The following MBD3L1 variants were observed in gnomAD, a reference collection of about 807,000 sequenced individuals.
MBD3L1 encodes the protein methyl-CpG binding domain protein 3 like 1.
For synonymous variants in MBD3L1, 84 were observed against 85.1 expected (o/e 0.99, Z 0.07); for missense variants, 203 against 230.1 (o/e 0.88, Z 0.76).
chr19:8,837,665 C>G (rs1192524744), intron 1 of MBD3L1, among the ~76,000 whole-genome samples: 1 of 152,144 alleles, frequency 6.6e-6, no homozygotes, highest in East Asian at 1.9e-4. Flanking sequence ...GCCTCATGGA[C>G]AAGACAAGTT....
At chr19:8,842,308 C>T (rs747094017) in intron 2 of MBD3L1, among the ~76,000 whole-genome samples, 28 of 106,078 alleles carry the variant, frequency 2.6e-4, no homozygotes, top group East Asian at 8.2e-4. Flanking sequence ...GCCTGAGTGA[C>T]GGAGTGGGAC....
chr19:8,833,913 G>A (rs1266779567), intron 1 of MBD3L1, among the ~76,000 whole-genome samples: 2 of 152,054 alleles, frequency 1.3e-5, no homozygotes, highest in East Asian at 3.9e-4. Context: ...GCTTGAACTC[G>A]GGAGGTGGAG....
intron 1 of MBD3L1, among the ~76,000 whole-genome samples, chr19:8,840,463 C>T (rs761486248): frequency 3.3e-5 from 5 of 152,064 alleles, no homozygotes; most frequent in Non-Finnish European, 7.4e-5. Context: ...ATCATCACCC[C>T]CAGCTAACTT....
intron 1 of MBD3L1, among the ~76,000 whole-genome samples, chr19:8,839,955 G>A (rs559832042): frequency 4.6e-5 from 7 of 152,110 alleles, no homozygotes; most frequent in Non-Finnish European, 8.8e-5. Context: ...AGGTTGAGGC[G>A]GGCAGATCAT....
intron 1 of MBD3L1, among the ~76,000 whole-genome samples, chr19:8,835,670 C>T (rs2044447731): frequency 7.2e-6 from 1 of 138,644 alleles, no homozygotes; most frequent in African/African-American, 2.6e-5. Context: ...AATTTTATTT[C>T]CAGTATATGC....
intron 1 of MBD3L1, among the ~76,000 whole-genome samples, chr19:8,839,185 C>CTTTTTTTTTTT (rs57499698): frequency 4.2e-4 from 51 of 122,106 alleles, no homozygotes; most frequent in Non-Finnish European, 5.8e-4. Flanking sequence ...CTTTTCTTTT[C>CTTTTTTTTTTT]TTTTTTTTTT....
At chr19:8,839,285 C>T (rs898310694) in intron 1 of MBD3L1, among the ~76,000 whole-genome samples, 5 of 149,422 alleles carry the variant, frequency 3.3e-5, no homozygotes, top group Admixed American at 2.0e-4. Context: ...CCCAGGTTCA[C>T]GCCATTCTCC....
At chr19:8,832,668 T>C (rs2044391685) in intron 1 of MBD3L1, 146 bp downstream of exon 1, 1 of 149,226 alleles carries the variant, frequency 6.7e-6, no homozygotes, top group South Asian at 2.1e-4. Context: ...GCGAGGCTGA[T>C]TGGGCAGAGA....
chr19:8,836,791 C>T (rs546287844), intron 1 of MBD3L1, among the ~76,000 whole-genome samples: 36 of 152,326 alleles, frequency 2.4e-4, no homozygotes, highest in Non-Finnish European at 4.9e-4. Flanking sequence ...TCGTATCCAG[C>T]TTAAGTGTAT....
chr19:8,842,924 A>G lies in MBD3L1; in HGVS notation c.246A>G (p.Glu82=). 1 of 1,614,234 alleles carries G rather than the reference A, an allele frequency of 6.2e-7. No individual in the cohort carries two copies. The highest frequency in any genetic ancestry group is 1.6e-4 in the Middle Eastern group (1 of 6,062). Residue 82 remains glutamate (E), a synonymous_variant, in exon 3 of 3, where the codon GAA becomes GAG. Coordinates refer to ENST00000595891, the MANE Select transcript of MBD3L1 (RefSeq NM_001393532.1). ...QGLQAYSSAG[E]LSSTLDLANT... Reference sequence around the variant, plus strand: ...TCCAGGCTTACAGCAGTGCAGGAGAACTTTCAAGCACTTTGGATCTTGCCA... The same window carrying G: ...TCCAGGCTTACAGCAGTGCAGGAGAGCTTTCAAGCACTTTGGATCTTGCCA...
intron 1 of MBD3L1, among the ~76,000 whole-genome samples, chr19:8,839,052 G>A (rs1340409145): frequency 6.6e-6 from 1 of 152,086 alleles, no homozygotes; most frequent in African/African-American, 2.4e-5. Flanking sequence ...CCTTTTAAAT[G>A]ATTTTTGTTT....
At chr19:8,833,206 A>G (rs1390074541) in intron 1 of MBD3L1, 1 of 152,186 alleles carries the variant, frequency 6.6e-6, no homozygotes, top group Non-Finnish European at 1.5e-5. Context: ...TAGATTGTTG[A>G]TACAGTTACT....
At chr19:8,841,151 C>T (rs900254541) in intron 2 of MBD3L1, among the ~76,000 whole-genome samples, 152 bp downstream of exon 2, 18 of 151,618 alleles carry the variant, frequency 1.2e-4, no homozygotes, top group South Asian at 2.1e-4. Flanking sequence ...CTCAGCCTTC[C>T]GAGTAGCTGG....
chr19:8,835,698 ATG>A (rs375498576), intron 1 of MBD3L1, among the ~76,000 whole-genome samples: 1 of 22,508 alleles, frequency 4.4e-5, no homozygotes, highest in African/African-American at 9.3e-5. Context: ...AAATGAAAAC[ATG>A]TGTTCACATG....
At chr19:8,841,416 G>C (rs2044511727) in intron 2 of MBD3L1, among the ~76,000 whole-genome samples, 2 of 152,050 alleles carry the variant, frequency 1.3e-5, no homozygotes, top group Non-Finnish European at 2.9e-5. Context: ...AAGATACGGA[G>C]GTCCGGAGTA....
chr19:8,842,785 A>G lies in MBD3L1; in HGVS notation c.107A>G (p.Lys36Arg). The G allele has an allele frequency of 6.2e-7, 1 of 1,614,244 alleles. No homozygotes were observed. ...TTGAGAATGTCCAGTTACACATTCA[A>G]GAGGCCAGTAACGAGAATTACACCC... ...IPLRMSSYTF[K>R]RPVTRITPHP... Residue 36 changes from lysine to arginine, a missense_variant, in exon 3 of 3, where the codon AAG (lysine) becomes AGG (arginine). Physicochemically the swap from Lys to Arg is conservative, Grantham distance 26. Transcript: ENST00000595891.
At chr19:8,832,769 G>A (rs2044393940) in intron 1 of MBD3L1, among the ~76,000 whole-genome samples, 1 of 152,050 alleles carries the variant, frequency 6.6e-6, no homozygotes, top group African/African-American at 2.4e-5. Context: ...GCAGAGACCA[G>A]TTACAGGGGT....
intron 1 of MBD3L1, among the ~76,000 whole-genome samples, chr19:8,834,110 C>G (rs947200028): frequency 6.6e-6 from 1 of 152,164 alleles, no homozygotes; most frequent in Non-Finnish European, 1.5e-5. Flanking sequence ...GAAATACTTT[C>G]AATGAATGAT....
chr19:8,840,151 T>G (rs1400069169), intron 1 of MBD3L1, among the ~76,000 whole-genome samples: 1 of 141,054 alleles, frequency 7.1e-6, no homozygotes, highest in Admixed American at 7.5e-5. Flanking sequence ...CCCACTGTAC[T>G]CCAGTCTGGG....
Sources: gnomAD v4.1 joint callset for allele counts (sites outside exome capture counted in the v4.1 genomes callset) on GRCh38, gnomAD v4.1.1 for gene constraint, MANE v1.5 for transcripts, NCBI Gene and HGNC (gene_info 2026-07-23, HGNC 2026-07-21) for gene names.